Variants in DOCK3 observed in about 807,000 individuals in gnomAD.
DOCK3 encodes dedicator of cytokinesis 3, also known as dedicator of cytokinesis protein 3.
Under a neutral mutation model 265.6 loss-of-function variants are expected in DOCK3, and 60 were observed. The observed-to-expected ratio is 0.23, with a 90% CI of 0.18 to 0.28. DOCK3 has a LOEUF of 0.28. Among genes scored for constraint, DOCK3 ranks in the 10% least tolerant of loss-of-function variants. The pLI, the probability that DOCK3 is intolerant of heterozygous loss-of-function variation, is 1.00. For synonymous variants in DOCK3, 881 were observed against 938.0 expected (o/e 0.94, Z 1.11); for missense variants, 1,981 against 2,594.3 (o/e 0.76, Z 5.14).
At chr3:51,295,284 T>G (rs562771690) in intron 27 of DOCK3, among the ~76,000 whole-genome samples, 18 of 152,372 alleles carry the variant, frequency 1.2e-4, no homozygotes, top group African/African-American at 4.3e-4. Flanking sequence ...AGCCAGTGTG[T>G]GCAGAGATAT....
At chr3:51,228,149 A>T in intron 17 of DOCK3, 61 bp downstream of exon 17, 1 of 1,539,922 alleles carries the variant, frequency 6.5e-7, no homozygotes, top group Non-Finnish European at 9.0e-7. Flanking sequence ...ACTCTCACAC[A>T]TGGTTCTCAG....
chr3:50,912,225 C>T (rs923780477), intron 4 of DOCK3, among the ~76,000 whole-genome samples: 4 of 152,064 alleles, frequency 2.6e-5, no homozygotes, highest in Non-Finnish European at 5.9e-5. Context: ...GTCTTTGACA[C>T]GATCCAGAAG....
intron 12 of DOCK3, among the ~76,000 whole-genome samples, chr3:51,176,092 T>C (rs138588603): frequency 2.8e-4 from 42 of 152,212 alleles, no homozygotes; most frequent in Non-Finnish European, 5.9e-5. Flanking sequence ...TTGTATATTA[T>C]TTCTGCTGCA....
At chr3:50,940,901 A>G (rs1366099443) in intron 5 of DOCK3, among the ~76,000 whole-genome samples, 1 of 152,194 alleles carries the variant, frequency 6.6e-6, no homozygotes, top group Non-Finnish European at 1.5e-5. Flanking sequence ...AACCCTGCCT[A>G]AGTATCATCC....
At chr3:50,964,579 C>G (rs2076975719) in intron 5 of DOCK3, among the ~76,000 whole-genome samples, 1 of 151,670 alleles carries the variant, frequency 6.6e-6, no homozygotes, top group South Asian at 2.1e-4. Context: ...AAAATGAAGC[C>G]CAAAAGTGAT....
chr3:51,320,057 G>A (rs2083602880), intron 32 of DOCK3, among the ~76,000 whole-genome samples: 1 of 151,632 alleles, frequency 6.6e-6, no homozygotes, highest in African/African-American at 2.4e-5. Flanking sequence ...GAACAGCTCT[G>A]GTCTGTAGCT....
chr3:51,362,012 A>T lies in DOCK3; in HGVS notation c.5145+15A>T. On this transcript the variant is annotated intron_variant, in intron 48 of 52. Coordinates refer to ENST00000266037, the MANE Select transcript of DOCK3 (RefSeq NM_004947.5). ...ACCACATGCAGGTACAGAGCTGTCCACGGAGAGTGGGCCAGGGCACCATGC... is the reference window on the plus strand; with the variant it reads ...ACCACATGCAGGTACAGAGCTGTCCTCGGAGAGTGGGCCAGGGCACCATGC... The T allele has an allele frequency of 6.3e-7, 1 of 1,597,786 alleles. No homozygotes were observed. Among genetic ancestry groups the T allele is most frequent in the Non-Finnish European group, 8.5e-7 (1 of 1,171,912 alleles).
chr3:50,851,021 C>T (rs982992804), intron 3 of DOCK3, among the ~76,000 whole-genome samples: 1 of 152,144 alleles, frequency 6.6e-6, no homozygotes, highest in African/African-American at 2.4e-5. Flanking sequence ...TGCAGGTCTG[C>T]CTATAGGTCC....
intron 27 of DOCK3, among the ~76,000 whole-genome samples, chr3:51,304,670 G>C (rs1257133414): frequency 1.3e-5 from 2 of 152,236 alleles, no homozygotes; most frequent in Middle Eastern, 3.2e-3. Flanking sequence ...TTCCCAGTCT[G>C]GGTAGCACGA....
At chr3:51,356,521 C>T in intron 43 of DOCK3, 28 bp downstream of exon 43, 1 of 1,601,538 alleles carries the variant, frequency 6.2e-7, no homozygotes, top group African/African-American at 1.3e-5. Flanking sequence ...TGAAGCTGAG[C>T]TTCACAACTG....
At chr3:51,024,541 G>C (rs142040179) in intron 5 of DOCK3, among the ~76,000 whole-genome samples, 87 of 152,178 alleles carry the variant, frequency 5.7e-4, no homozygotes, top group Non-Finnish European at 9.3e-4. Context: ...AGCTACCTCA[G>C]CTTCCCTGCT....
At chr3:50,783,152 C>T (rs1299141755) in intron 2 of DOCK3, among the ~76,000 whole-genome samples, 2 of 151,968 alleles carry the variant, frequency 1.3e-5, no homozygotes, top group African/African-American at 2.4e-5. Context: ...GTGCATGCGT[C>T]TTTTTTGTAT....
chr3:51,016,807 TTA>T lies in DOCK3; in HGVS notation c.316-47633_316-47632del, dbSNP rs1308196237. Among the ~76,000 whole-genome samples the T allele has an allele frequency of 5.3e-4, 12 of 22,596 alleles. 4 individuals are homozygous for T. The highest frequency in any genetic ancestry group is 1.3e-3 in the Admixed American group (2 of 1,564). 14.8% of individuals were successfully genotyped at this position (22,596 alleles called of 152,430 possible). A position where few individuals can be genotyped will look rare whatever the true frequency, so the allele number is the denominator to read the frequency against. On this transcript the variant is annotated intron_variant, in intron 5 of 52. Coordinates refer to ENST00000266037, the MANE Select transcript of DOCK3 (RefSeq NM_004947.5). ...ATATATAAATATATATGATATATGT[TTA>T]TATATATCATATATAAATATATATG...
intron 11 of DOCK3, among the ~76,000 whole-genome samples, chr3:51,160,340 T>C (rs897828307): frequency 6.6e-6 from 1 of 152,250 alleles, no homozygotes; most frequent in African/African-American, 2.4e-5. Flanking sequence ...ATAAGAATGA[T>C]TGATTGAATG....
intron 2 of DOCK3, among the ~76,000 whole-genome samples, chr3:50,781,267 C>CTTTTGTTCT (rs550730388): frequency 3.3e-5 from 4 of 120,492 alleles, no homozygotes; most frequent in African/African-American, 1.3e-4. Flanking sequence ...TATAGTAGTT[C>CTTTTGTTCT]TTTTTTTTTT....
chr3:51,322,205 TG>T (rs1281825973), intron 32 of DOCK3, among the ~76,000 whole-genome samples: 1 of 152,124 alleles, frequency 6.6e-6, no homozygotes, highest in African/African-American at 2.4e-5. Flanking sequence ...TTTTTGTTTT[TG>T]TTTTTGTTTG....
intron 10 of DOCK3, among the ~76,000 whole-genome samples, chr3:51,149,394 G>A (rs923650606): frequency 1.3e-5 from 2 of 152,160 alleles, no homozygotes; most frequent in Non-Finnish European, 2.9e-5. Context: ...GGAGTGGTGA[G>A]AGAGGGCATC....
chr3:51,034,035 A>T (rs2080159465), intron 5 of DOCK3, among the ~76,000 whole-genome samples: 1 of 152,152 alleles, frequency 6.6e-6, no homozygotes. Flanking sequence ...TATCGTTCTT[A>T]GTAGCTCAGA....
chr3:51,284,001 C>T (rs916750862), intron 27 of DOCK3, among the ~76,000 whole-genome samples: 3 of 151,586 alleles, frequency 2.0e-5, no homozygotes, highest in Admixed American at 6.6e-5. Flanking sequence ...CACTTACATT[C>T]GTGAGTTAAA....
Sources: gnomAD v4.1 joint callset for allele counts (sites outside exome capture counted in the v4.1 genomes callset) on GRCh38, gnomAD v4.1.1 for gene constraint, MANE v1.5 for transcripts, NCBI Gene and HGNC (gene_info 2026-07-23, HGNC 2026-07-21) for gene names.